Variants in PXDNL observed in about 807,000 individuals in gnomAD.
The protein encoded by PXDNL is peroxidasin like.
A neutral mutation model predicts 150.8 loss-of-function variants in PXDNL; 145 were observed. The observed-to-expected ratio is 0.96, with a 90% CI of 0.84 to 1.10. The LOEUF (loss-of-function observed/expected upper bound fraction) is 1.10, where lower values mean the gene tolerates loss of function less well. Among genes scored for constraint, PXDNL ranks in the 50% least tolerant of loss-of-function variants. The pLI is 0.00. For missense variants in PXDNL, 2,087 were observed against 1,873.9 expected (o/e 1.11, Z -2.10); for synonymous variants, 757 against 725.7 (o/e 1.04, Z -0.69).
In PXDNL at chr8:51,444,914, T is replaced by TTC. The variant is rs5891412; in HGVS notation, c.1525+2089_1525+2090insGA. Among the ~76,000 whole-genome samples the TTC allele has an allele frequency of 9.0e-4, 50 of 55,348 alleles. 1 individual carries two copies. In the African/African-American group the frequency reaches 0.01, roughly 11 times the overall value. The allele number at this position is 55,348 out of a possible 152,430, so 36.3% of individuals were successfully genotyped here. A position where few individuals can be genotyped will look rare whatever the true frequency, so the allele number is the denominator to read the frequency against. The stretch of plus-strand genomic sequence containing the variant: ...TAGGTTAACAAATATTATTTTTCTA[T>TTC]TTTTTTTTTCAACATGGAGTCTTGC... On this transcript the variant is annotated intron_variant, in intron 12 of 22. Transcript: ENST00000356297.
chr8:51,521,868 T>C (rs1811672416), intron 4 of PXDNL, among the ~76,000 whole-genome samples: 1 of 152,184 alleles, frequency 6.6e-6, no homozygotes, highest in Non-Finnish European at 1.5e-5. Flanking sequence ...GAGTGAATTA[T>C]TTAAAATACT....
At chr8:51,745,312 C>A (rs1327528519) in intron 1 of PXDNL, among the ~76,000 whole-genome samples, 1 of 152,040 alleles carries the variant, frequency 6.6e-6, no homozygotes, top group African/African-American at 2.4e-5. Context: ...AAACCTCAAA[C>A]CCTACTCAAA....
intron 2 of PXDNL, among the ~76,000 whole-genome samples, chr8:51,596,326 A>C (rs915318357): frequency 6.6e-6 from 1 of 152,042 alleles, no homozygotes; most frequent in African/African-American, 2.4e-5. Context: ...TGATTCCATG[A>C]TTTTGCTATT....
At chr8:51,803,920 TA>T (rs2129265187) in intron 1 of PXDNL, among the ~76,000 whole-genome samples, 1 of 152,316 alleles carries the variant, frequency 6.6e-6, no homozygotes, top group East Asian at 1.9e-4. Context: ...CTACCCCTTC[TA>T]CCAGAATGCC....
intron 1 of PXDNL, among the ~76,000 whole-genome samples, chr8:51,662,099 T>A (rs1054703203): frequency 2.6e-5 from 4 of 152,210 alleles, no homozygotes; most frequent in Non-Finnish European, 5.9e-5. Context: ...AGCTGAGACT[T>A]GCTCTGCTAA....
intron 1 of PXDNL, among the ~76,000 whole-genome samples, chr8:51,672,211 C>T (rs1815510521): frequency 6.6e-6 from 1 of 152,146 alleles, no homozygotes; most frequent in Non-Finnish European, 1.5e-5. Context: ...GAACTCCTGA[C>T]CTCAAGTGAT....
At chr8:51,567,705 G>A (rs1812856524) in intron 3 of PXDNL, among the ~76,000 whole-genome samples, 2 of 151,542 alleles carry the variant, frequency 1.3e-5, no homozygotes, top group African/African-American at 4.8e-5. Flanking sequence ...ACAGAGTATA[G>A]TCATCCTTCA....
At chr8:51,342,542 C>T (rs1372350053) in intron 20 of PXDNL, among the ~76,000 whole-genome samples, 4 of 150,936 alleles carry the variant, frequency 2.7e-5, no homozygotes, top group Non-Finnish European at 4.4e-5. Flanking sequence ...TCTGAAAACA[C>T]ACAATATGAA....
At chr8:51,555,458 A>T (rs777744348) in intron 4 of PXDNL, among the ~76,000 whole-genome samples, 2 of 152,240 alleles carry the variant, frequency 1.3e-5, no homozygotes, top group African/African-American at 4.8e-5. Context: ...ATAAGAGACA[A>T]AAGTAGAGCA....
intron 15 of PXDNL, among the ~76,000 whole-genome samples, chr8:51,411,665 AAAC>A (rs1808655155): frequency 6.6e-6 from 1 of 152,188 alleles, no homozygotes; most frequent in Non-Finnish European, 1.5e-5. Flanking sequence ...TAGTTTTAGG[AAAC>A]AACATCTATG....
In PXDNL at chr8:51,353,463, A is replaced by G; in HGVS notation, c.3902-7516T>C. Among the ~76,000 whole-genome samples, 2 of 151,926 alleles carry G rather than the reference A, an allele frequency of 1.3e-5. 1 individual carries two copies. Among genetic ancestry groups the G allele is most frequent in the Non-Finnish European group, 2.9e-5 (2 of 67,924 alleles). On this transcript the variant is annotated intron_variant, in intron 19 of 22. Transcript: ENST00000356297. Reference sequence around the variant, plus strand: ...AATTTTGATAATAATGTTGTAATTAATATTTTTAGATATTACACTTCTTGA... The same window carrying G: ...AATTTTGATAATAATGTTGTAATTAGTATTTTTAGATATTACACTTCTTGA...
chr8:51,649,365 A>T (rs1814988390), intron 2 of PXDNL, among the ~76,000 whole-genome samples: 2 of 152,186 alleles, frequency 1.3e-5, no homozygotes, highest in African/African-American at 4.8e-5. Context: ...CATTAAACGT[A>T]CTGTGTTTTT....
chr8:51,331,129 G>C (rs558275703), intron 21 of PXDNL, among the ~76,000 whole-genome samples: 2 of 152,268 alleles, frequency 1.3e-5, no homozygotes, highest in Non-Finnish European at 2.9e-5. Flanking sequence ...CAGGACCCAG[G>C]AGACACCCCA....
intron 17 of PXDNL, among the ~76,000 whole-genome samples, chr8:51,395,109 G>A (rs961930077): frequency 1.3e-5 from 2 of 152,196 alleles, no homozygotes; most frequent in Admixed American, 1.3e-4. Context: ...AGATGACTCT[G>A]CAGAGCCCTA....
rs2037193873 is a variant in PXDNL, at chr8:51,763,748, C to T, written c.164+45433G>A. Among the ~76,000 whole-genome samples the T allele has an allele frequency of 2.0e-5, 3 of 152,114 alleles. No homozygotes were observed. In the South Asian group the frequency reaches 6.2e-4, roughly 31 times the overall value. ...ATTTTCTAATTGTTCACCACAAGTA[C>T]ATACAAATAAAATTGCTTTGTGTAT... On this transcript the variant is annotated intron_variant, in intron 1 of 22. Transcript: ENST00000356297.
chr8:51,785,036 TTC>T (rs1173669401), intron 1 of PXDNL, among the ~76,000 whole-genome samples: 1 of 152,220 alleles, frequency 6.6e-6, no homozygotes, highest in Non-Finnish European at 1.5e-5. Context: ...GGTTATATAT[TTC>T]TCTTAGGCAA....
At chr8:51,529,405 T>C (rs1204421165) in intron 4 of PXDNL, among the ~76,000 whole-genome samples, 1 of 152,188 alleles carries the variant, frequency 6.6e-6, no homozygotes, top group Non-Finnish European at 1.5e-5. Flanking sequence ...ATCAACAGCA[T>C]TGCCCACAGG....
chr8:51,415,967 A>C (rs773074043), intron 14 of PXDNL, among the ~76,000 whole-genome samples: 1 of 152,232 alleles, frequency 6.6e-6, no homozygotes. Context: ...AGTCAGTAGG[A>C]ATGAGCCTAC....
intron 20 of PXDNL, among the ~76,000 whole-genome samples, chr8:51,340,940 C>T: frequency 6.6e-6 from 1 of 152,192 alleles, no homozygotes; most frequent in East Asian, 1.9e-4. Flanking sequence ...GTATTTAATC[C>T]TGAAGAAGCC....
Sources: gnomAD v4.1 joint callset for allele counts (sites outside exome capture counted in the v4.1 genomes callset) on GRCh38, gnomAD v4.1.1 for gene constraint, MANE v1.5 for transcripts, NCBI Gene and HGNC (gene_info 2026-07-23, HGNC 2026-07-21) for gene names.